GLIS3: variants seen among roughly 807,000 people sequenced by gnomAD.
GLIS3 encodes the protein zinc finger protein GLIS3.
GLIS3 carries 53 observed loss-of-function variants against 78.6 expected under a neutral mutation model. That is an observed-to-expected ratio of 0.67 (90% CI 0.54 to 0.85). The LOEUF (loss-of-function observed/expected upper bound fraction) is 0.85. Among genes scored for constraint, GLIS3 ranks in the 40% least tolerant of loss-of-function variants. The pLI is 0.00. For synonymous variants in GLIS3, 684 were observed against 509.9 expected, an observed-to-expected ratio of 1.34 and a Z score of -4.60; for missense variants, 1,703 against 1,231.1, an observed-to-expected ratio of 1.38 and a Z score of -5.74.
chr9:4,290,736 T>C (rs1319436862), intron 1 of GLIS3, among the ~76,000 whole-genome samples: 1 of 152,114 alleles, frequency 6.6e-6, no homozygotes, highest in African/African-American at 2.4e-5. Context: ...ATCACGTAAG[T>C]CATTTTATTG....
chr9:4,081,716 G>C (rs1292108966), intron 4 of GLIS3, among the ~76,000 whole-genome samples: 1 of 152,194 alleles, frequency 6.6e-6, no homozygotes, highest in Non-Finnish European at 1.5e-5. Context: ...CTCACTGCCA[G>C]ACTCTGAATC....
intron 2 of GLIS3, among the ~76,000 whole-genome samples, chr9:4,221,363 G>C (rs1165486258): frequency 6.6e-6 from 1 of 152,030 alleles, no homozygotes; most frequent in African/African-American, 2.4e-5. Flanking sequence ...AAAATATATT[G>C]GTAACAAATG....
intron 4 of GLIS3, among the ~76,000 whole-genome samples, chr9:3,974,301 T>G (rs1022676914): frequency 1.3e-5 from 2 of 152,134 alleles, no homozygotes; most frequent in African/African-American, 4.8e-5. Context: ...AGTTTTACCC[T>G]TTTCCTTCTT....
rs146631171 is a variant in GLIS3, at chr9:4,019,028, G to C, written c.1711-81839C>G. Reference sequence around the variant, plus strand: ...TTCACGCAGGGCTGGTGAGGGGCAAGAAGGTGACGTGAGTCAAGCACCTGG... The same window carrying C: ...TTCACGCAGGGCTGGTGAGGGGCAACAAGGTGACGTGAGTCAAGCACCTGG... On this transcript the variant is annotated intron_variant, in intron 4 of 10. Transcript: ENST00000381971. Among the ~76,000 whole-genome samples, 720 of 152,342 alleles carry C rather than the reference G, an allele frequency of 4.7e-3. 8 individuals carry two copies. Among genetic ancestry groups the C allele is most frequent in the African/African-American group, 0.017 (701 of 41,570 alleles).
intron 2 of GLIS3, among the ~76,000 whole-genome samples, chr9:4,185,325 G>A (rs749211228): frequency 2.3e-4 from 35 of 152,156 alleles, no homozygotes; most frequent in Admixed American, 4.6e-4. Context: ...CCATTATATG[G>A]CTAAACTGTA....
At chr9:4,426,220 A>G in the GLIS3 span, among the ~76,000 whole-genome samples, 1 of 152,162 alleles carries the variant, frequency 6.6e-6, no homozygotes, top group Non-Finnish European at 1.5e-5. Flanking sequence ...TACTGCTCCC[A>G]AACAGAGAGT....
chr9:3,913,766 T>G (rs1014796547), intron 6 of GLIS3, among the ~76,000 whole-genome samples: 2 of 152,230 alleles, frequency 1.3e-5, no homozygotes, highest in African/African-American at 4.8e-5. Flanking sequence ...TAATAGCTAT[T>G]TAGAAATTAT....
In GLIS3 at chr9:4,072,751, G is replaced by T. The variant is rs528212172; in HGVS notation, c.1710+45017C>A. The stretch of plus-strand genomic sequence containing the variant: ...TTTCTAAAGAGAACTGTTTTTTTTT[G>T]TTGTTGTTGTTATATCACTGTGCTG... On this transcript the variant is annotated intron_variant, in intron 4 of 10. Transcript: ENST00000381971. Among the ~76,000 whole-genome samples the T allele has an allele frequency of 1.8e-3, 240 of 134,742 alleles. 1 individual carries two copies. Among genetic ancestry groups the T allele is most frequent in the African/African-American group, 5.7e-3 (180 of 31,544 alleles). The allele number at this position is 134,742 out of a possible 152,430, so 88.4% of individuals were successfully genotyped here. A position where few individuals can be genotyped will look rare whatever the true frequency, so the allele number is the denominator to read the frequency against.
chr9:4,481,122 C>T, the GLIS3 span, among the ~76,000 whole-genome samples: 1 of 152,096 alleles, frequency 6.6e-6, no homozygotes, highest in African/African-American at 2.4e-5. Flanking sequence ...TCCCAAAGTG[C>T]TGGGATTACA....
At chr9:3,845,388 CCTT>C (rs986034590) in intron 9 of GLIS3, among the ~76,000 whole-genome samples, 10 of 152,194 alleles carry the variant, frequency 6.6e-5, no homozygotes, top group South Asian at 2.1e-4. Flanking sequence ...AGTTATGTCT[CCTT>C]CTATGAGCAT....
chr9:4,046,116 T>C (rs915929976), intron 4 of GLIS3, among the ~76,000 whole-genome samples: 7 of 152,202 alleles, frequency 4.6e-5, no homozygotes, highest in Non-Finnish European at 7.3e-5. Context: ...ACTTCAACAA[T>C]GTATTTTATA....
chr9:4,322,054 G>C (rs548909801), intron 2 of GLIS3, among the ~76,000 whole-genome samples: 1 of 152,040 alleles, frequency 6.6e-6, no homozygotes, highest in Admixed American at 6.5e-5. Context: ...ACAGGCCCTG[G>C]TGTGTGATGT....
At chr9:4,284,104 A>G (rs896204159) in intron 2 of GLIS3, among the ~76,000 whole-genome samples, 11 of 152,200 alleles carry the variant, frequency 7.2e-5, no homozygotes, top group Non-Finnish European at 1.5e-4. Context: ...GACCGCCATC[A>G]AAGTTAGTAT....
chr9:4,283,269 GTTTT>G (rs60941880), intron 2 of GLIS3, among the ~76,000 whole-genome samples: 2 of 134,934 alleles, frequency 1.5e-5, no homozygotes, highest in Non-Finnish European at 3.2e-5. Context: ...TTGTTTTTTT[GTTTT>G]TTTTTTTTTT....
chr9:4,414,284 A>G, the GLIS3 span, among the ~76,000 whole-genome samples: 1 of 152,222 alleles, frequency 6.6e-6, no homozygotes, highest in Non-Finnish European at 1.5e-5. Context: ...TTTCTGATAA[A>G]TGGAAGACAT....
At chr9:4,468,136 A>G in the GLIS3 span, among the ~76,000 whole-genome samples, 1 of 152,260 alleles carries the variant, frequency 6.6e-6, no homozygotes, top group Non-Finnish European at 1.5e-5. Context: ...ATATGGGACT[A>G]TGTGAAAAGA....
At chr9:4,207,223 C>T (rs948631523) in intron 2 of GLIS3, among the ~76,000 whole-genome samples, 6 of 152,182 alleles carry the variant, frequency 3.9e-5, no homozygotes, top group Admixed American at 1.3e-4. Flanking sequence ...CATGCTGAAG[C>T]TGCCCCCTTC....
At chr9:4,080,699 T>C (rs3925024) in intron 4 of GLIS3, among the ~76,000 whole-genome samples, 43,338 of 152,036 alleles carry the variant, frequency 0.29, 6,749 homozygotes, top group African/African-American at 0.4. Flanking sequence ...GAGTAGGACA[T>C]ATTTTGTAGT....
intron 1 of GLIS3, among the ~76,000 whole-genome samples, chr9:4,291,434 TTTAAC>T (rs1466871045): frequency 2.0e-5 from 3 of 152,146 alleles, no homozygotes; most frequent in Non-Finnish European, 4.4e-5. Flanking sequence ...ATATAAATGT[TTTAAC>T]TTTTCATTTT....
Sources: gnomAD v4.1 joint callset for allele counts (sites outside exome capture counted in the v4.1 genomes callset) on GRCh38, gnomAD v4.1.1 for gene constraint, MANE v1.5 for transcripts, NCBI Gene and HGNC (gene_info 2026-07-23, HGNC 2026-07-21) for gene names.